DNAH11: variants seen among roughly 807,000 people sequenced by gnomAD.
The protein encoded by DNAH11 is axonemal beta dynein heavy chain 11.
Under a neutral mutation model 526.0 loss-of-function variants are expected in DNAH11, and 442 were observed. The ratio of observed to expected loss-of-function variants is 0.84; its 90% confidence interval spans 0.78 to 0.91. The LOEUF (loss-of-function observed/expected upper bound fraction) is 0.91, where lower values mean the gene tolerates loss of function less well. DNAH11 is among the 40% of genes least tolerant of loss of function. The pLI, the probability that DNAH11 is intolerant of heterozygous loss-of-function variation, is 0.00. For synonymous variants in DNAH11, 2,461 were observed against 1,935.9 expected (o/e 1.27, Z -7.12); for missense variants, 6,989 against 5,448.7 (o/e 1.28, Z -8.90).
At position 21,816,598 on chromosome 7, in the gene DNAH11, C is replaced by T. The variant is rs376545278; in HGVS notation, c.10464C>T (p.His3488=). 6.2e-7 allele frequency: 1 copy of T among 1,613,716 alleles called. No individual in the cohort carries two copies. Among genetic ancestry groups the T allele is most frequent in the Non-Finnish European group, 8.5e-7 (1 of 1,179,808 alleles). ...MSTENAAILT[H]CERWPLVIDP... is the part of the protein sequence containing the mutation. ...CCGAAAATGCCGCTATCCTAACACA[C>T]TGTGAGCGCTGGCCTCTGGTGATAG... is the stretch of plus-strand genomic sequence containing the variant. The change falls in exon 64 of 82, where the codon CAC becomes CAT. Residue 3488 remains histidine, a synonymous_variant. Coordinates refer to ENST00000409508, the MANE Select transcript of DNAH11 (RefSeq NM_001277115.2).
chr7:21,687,628 G>A (rs1783437769), intron 34 of DNAH11, 101 bp downstream of exon 34: 1 of 1,363,010 alleles, frequency 7.3e-7, no homozygotes, highest in East Asian at 2.5e-5. Flanking sequence ...CCTGTCTCAT[G>A]AAATAGATAA....
At chr7:21,637,554 A>G (rs998185702) in intron 26 of DNAH11, 57 bp from the exon 27 acceptor site, 1 of 1,146,312 alleles carries the variant, frequency 8.7e-7, no homozygotes, top group Non-Finnish European at 1.3e-6. Context: ...TGAAATGATT[A>G]AAAGTTTAGA....
intron 58 of DNAH11, 89 bp downstream of exon 58, chr7:21,784,629 A>T: frequency 1.2e-6 from 1 of 842,728 alleles, no homozygotes; most frequent in Non-Finnish European, 1.7e-6. Flanking sequence ...AGAGTAGCCC[A>T]TTACAGCCAA....
rs539937958 is a variant in DNAH11 at position 21,569,911 on chromosome 7, A to G, written c.1195-158A>G. Among the ~76,000 whole-genome samples the G allele has an allele frequency of 3.3e-4, 50 of 152,326 alleles. 1 individual carries two copies. The South Asian group carries it at 9.9e-3, about 30-fold the overall frequency. ...TATACAAGTATGTCATTGAAGTCCA[A>G]GTAGCTGAATTTCTAGAACTTGTGC... On this transcript the variant is annotated intron_variant, in intron 6 of 81. Transcript: ENST00000409508.
At chr7:21,640,256 T>A (rs528526370) in intron 28 of DNAH11, among the ~76,000 whole-genome samples, 1 of 152,334 alleles carries the variant, frequency 6.6e-6, no homozygotes, top group South Asian at 2.1e-4. Flanking sequence ...CACAATTGGA[T>A]GCCTTTAAAA....
intron 25 of DNAH11, among the ~76,000 whole-genome samples, chr7:21,625,118 C>G (rs1240081246): frequency 6.6e-6 from 1 of 151,846 alleles, no homozygotes; most frequent in Non-Finnish European, 1.5e-5. Flanking sequence ...AGTATTAGTT[C>G]TTCTTTAAAT....
intron 37 of DNAH11, among the ~76,000 whole-genome samples, chr7:21,704,006 T>G (rs1324544939): frequency 6.6e-6 from 1 of 152,204 alleles, no homozygotes; most frequent in Admixed American, 6.5e-5. Context: ...ATCTTTAGCT[T>G]ACAGCCAAGA....
intron 14 of DNAH11, among the ~76,000 whole-genome samples, chr7:21,597,896 C>T (rs1784925164): frequency 6.6e-6 from 1 of 152,172 alleles, no homozygotes; most frequent in Non-Finnish European, 1.5e-5. Context: ...TGTATACTTT[C>T]CTAGGGTGTG....
intron 64 of DNAH11, among the ~76,000 whole-genome samples, chr7:21,817,765 G>A (rs989379281): frequency 6.6e-6 from 1 of 151,852 alleles, no homozygotes; most frequent in South Asian, 2.1e-4. Context: ...GAGATATTTT[G>A]TGGAAAGTAA....
chr7:21,778,067 T>C (rs1787755492), intron 56 of DNAH11, among the ~76,000 whole-genome samples: 1 of 152,202 alleles, frequency 6.6e-6, no homozygotes, highest in Non-Finnish European at 1.5e-5. Context: ...CTTTCAGATA[T>C]TTCTGAGAAC....
chr7:21,834,262 G>A (rs188920222), intron 65 of DNAH11, among the ~76,000 whole-genome samples: 34 of 151,954 alleles, frequency 2.2e-4, no homozygotes, highest in African/African-American at 7.5e-4. Flanking sequence ...CAACAAACGG[G>A]TCAAAAAGAA....
chr7:21,852,373 C>G (rs1422080289), intron 66 of DNAH11, 94 bp from the exon 67 acceptor site: 1 of 1,341,418 alleles, frequency 7.5e-7, no homozygotes, highest in African/African-American at 1.5e-5. Flanking sequence ...TACCACTGTA[C>G]TCCAGCCTGG....
Position 21,707,705 on chromosome 7 carries a change from A to G in DNAH11, c.6553A>G (p.Arg2185Gly). The G allele has an allele frequency of 1.9e-6, 3 of 1,609,858 alleles. No individual in the cohort carries two copies. Among genetic ancestry groups the G allele is most frequent in the Non-Finnish European group, 8.5e-7 (1 of 1,178,362 alleles). Residue 2185 changes from arginine to glycine, a missense_variant, in exon 40 of 82, where the codon AGA (arginine) becomes GGA (glycine). Arg to Gly is a moderately radical substitution (Grantham distance 125). Coordinates refer to ENST00000409508, the MANE Select transcript of DNAH11 (RefSeq NM_001277115.2). ...NAGTGKSKIL[R>G]TLNRTYVNMK... ...CTTTCCTCCTTCCCCTCAGATTTTG[A>G]GAACACTGAACCGAACATATGTTAA...
chr7:21,691,699 AATATTTTGAC>A (rs1316894577), intron 35 of DNAH11, among the ~76,000 whole-genome samples: 2 of 152,156 alleles, frequency 1.3e-5, no homozygotes, highest in Non-Finnish European at 2.9e-5. Flanking sequence ...CTCTTCATTT[AATATTTTGAC>A]ATATTTTATC....
In DNAH11 at chr7:21,872,123, C is replaced by CAAAAAAAAAAAAAAAA. The variant is rs776718319; in HGVS notation, c.11968-1140_11968-1125dup. Reference sequence around the variant, plus strand: ...TGGGTGACAGAGCGAGACTCTGTCTCAAAAAAAAAAAAAAAAAAAAAAAAA... The same window carrying CAAAAAAAAAAAAAAAA: ...TGGGTGACAGAGCGAGACTCTGTCTCAAAAAAAAAAAAAAAAAAAAAAAAAAAAAAAAAAAAAAAAA... On this transcript the variant is annotated intron_variant, in intron 73 of 81. Coordinates refer to ENST00000409508, the MANE Select transcript of DNAH11 (RefSeq NM_001277115.2). 5.3e-3 allele frequency among the ~76,000 whole-genome samples: 162 copies of CAAAAAAAAAAAAAAAA among 30,830 alleles called. 44 individuals carry two copies. Among genetic ancestry groups the CAAAAAAAAAAAAAAAA allele is most frequent in the Middle Eastern group, 0.05 (1 of 20 alleles). The allele number at this position is 30,830 out of a possible 152,430, so 20.2% of individuals were successfully genotyped here. A position where few individuals can be genotyped will look rare whatever the true frequency, so the allele number is the denominator to read the frequency against.
At chr7:21,572,170 G>C (rs1783919182) in intron 8 of DNAH11, among the ~76,000 whole-genome samples, 197 bp downstream of exon 8, 1 of 152,166 alleles carries the variant, frequency 6.6e-6, no homozygotes. Flanking sequence ...TGCATTTTCA[G>C]TTCAGAATGA....
intron 20 of DNAH11, among the ~76,000 whole-genome samples, chr7:21,614,559 G>A (rs1443844639): frequency 6.6e-6 from 1 of 152,182 alleles, no homozygotes; most frequent in Non-Finnish European, 1.5e-5. Flanking sequence ...ACTATTCTAT[G>A]TAGATGGGGT....
In DNAH11 at chr7:21,549,373, T is replaced by C. The variant is rs569935415; in HGVS notation, c.495+4224T>C. On this transcript the variant is annotated intron_variant, in intron 2 of 81. Transcript: ENST00000409508. ...ACTGAAAATTTGACCCAGGCATTCA[T>C]ATTCCCATACTCTAAGGTTTGCTTT... Among the ~76,000 whole-genome samples the C allele has an allele frequency of 6.5e-3, 636 of 97,910 alleles. 3 individuals carry two copies. The highest frequency in any genetic ancestry group is 0.027 in the African/African-American group (570 of 21,166). 64.2% of individuals were successfully genotyped at this position (97,910 alleles called of 152,430 possible). A position where few individuals can be genotyped will look rare whatever the true frequency, so the allele number is the denominator to read the frequency against.
chr7:21,708,698 CTT>C (rs1784358491), intron 40 of DNAH11, among the ~76,000 whole-genome samples: 1 of 152,190 alleles, frequency 6.6e-6, no homozygotes, highest in Non-Finnish European at 1.5e-5. Flanking sequence ...ATTCTGGCCT[CTT>C]TGCTATTCCT....
Sources: allele counts gnomAD v4.1 joint callset (sites outside exome capture counted in the v4.1 genomes callset), GRCh38; gene constraint gnomAD v4.1.1; transcripts MANE v1.5; gene names NCBI Gene and HGNC (gene_info 2026-07-23, HGNC 2026-07-21).